DCLK1: variants seen among roughly 807,000 people sequenced by gnomAD.
DCLK1 encodes the protein serine/threonine-protein kinase DCLK1.
DCLK1 carries 16 observed loss-of-function variants against 86.2 expected under a neutral mutation model. The ratio of observed to expected loss-of-function variants is 0.19; its 90% CI spans 0.13 to 0.28. The LOEUF (loss-of-function observed/expected upper bound fraction) is 0.28. DCLK1 is among the 10% of genes least tolerant of loss of function. DCLK1 has a pLI of 1.00. For synonymous variants in DCLK1, 369 were observed against 370.5 expected, an observed-to-expected ratio of 1.00 and a Z score of 0.05; for missense variants, 590 against 940.2, an observed-to-expected ratio of 0.63 and a Z score of 4.87.
intron 4 of DCLK1, among the ~76,000 whole-genome samples, chr13:35,886,552 T>G (rs940813030): frequency 1.3e-5 from 2 of 152,178 alleles, no homozygotes; most frequent in Non-Finnish European, 2.9e-5. Context: ...GAGTGCCACA[T>G]GTGAGATCCA....
intron 2 of DCLK1, among the ~76,000 whole-genome samples, chr13:36,114,127 T>C (rs1885701903): frequency 6.6e-6 from 1 of 152,198 alleles, no homozygotes; most frequent in Admixed American, 6.5e-5. Context: ...TTTAAAAATA[T>C]ATTAAATTAG....
chr13:35,812,170 G>T (rs2087160808), intron 11 of DCLK1, among the ~76,000 whole-genome samples: 1 of 152,294 alleles, frequency 6.6e-6, no homozygotes, highest in South Asian at 2.1e-4. Flanking sequence ...AACAAATGGA[G>T]CTGCTCTAAA....
chr13:36,057,037 G>A (rs184786863), intron 3 of DCLK1, among the ~76,000 whole-genome samples: 28 of 151,802 alleles, frequency 1.8e-4, no homozygotes, highest in Admixed American at 3.9e-4. Flanking sequence ...CTCACCCTTA[G>A]GTAGGCATGC....
At chr13:35,799,376 C>A (rs566153658) in intron 15 of DCLK1, among the ~76,000 whole-genome samples, 1 of 152,260 alleles carries the variant, frequency 6.6e-6, no homozygotes, top group Admixed American at 6.5e-5. Flanking sequence ...CTCAGCCTCC[C>A]AAGTAGCTGG....
At chr13:36,014,646 G>T (rs1279159336) in intron 3 of DCLK1, among the ~76,000 whole-genome samples, 1 of 152,118 alleles carries the variant, frequency 6.6e-6, no homozygotes, top group Non-Finnish European at 1.5e-5. Flanking sequence ...ACAGCAACAG[G>T]TAAGTCAGGT....
At chr13:35,906,003 G>C (rs1874670499) in intron 4 of DCLK1, among the ~76,000 whole-genome samples, 1 of 152,116 alleles carries the variant, frequency 6.6e-6, no homozygotes. Context: ...CTTAAAAATG[G>C]AAACAAACTG....
intron 8 of DCLK1, among the ~76,000 whole-genome samples, chr13:35,834,956 T>C (rs527376619): frequency 6.6e-6 from 1 of 152,146 alleles, no homozygotes; most frequent in Non-Finnish European, 1.5e-5. Context: ...CCGCAAGGGG[T>C]GCCAGGAGCA....
intron 3 of DCLK1, among the ~76,000 whole-genome samples, chr13:35,959,468 G>A (rs1878334491): frequency 6.6e-6 from 1 of 152,150 alleles, no homozygotes; most frequent in Admixed American, 6.5e-5. Flanking sequence ...AAATGGGGCA[G>A]CTCAACACTT....
rs534888561 is a variant in DCLK1 at position 35,781,891 on chromosome 13, C to G, written c.2059-7192G>C. On this transcript the variant is annotated intron_variant, in intron 16 of 16. Coordinates refer to ENST00000360631, the MANE Select transcript of DCLK1 (RefSeq NM_001330071.2). ...TGCTAGTAAAATTAAACTGACAAAT[C>G]GATTGAAATATCCACCCTCCTCATT... Among the ~76,000 whole-genome samples the G allele has an allele frequency of 1.3e-4, 20 of 152,234 alleles. No homozygotes were observed. In the South Asian group the frequency reaches 3.5e-3, roughly 27 times the overall value.
chr13:35,861,248 T>A lies in DCLK1; in HGVS notation c.941-6655A>T, dbSNP rs560105514. ...ATGATTTGGGGTACAAGAAAAAAAA[T>A]TTAATTAAACAATAAAAAAAGACCA... On this transcript the variant is annotated intron_variant, in intron 5 of 16. Coordinates refer to ENST00000360631, the MANE Select transcript of DCLK1 (RefSeq NM_001330071.2). Among the ~76,000 whole-genome samples the A allele has an allele frequency of 9.9e-5, 15 of 151,512 alleles. No individual in the cohort carries two copies. The South Asian group carries it at 2.9e-3, about 29-fold the overall frequency.
chr13:35,828,670 G>A (rs919901615), intron 8 of DCLK1, among the ~76,000 whole-genome samples: 2 of 134,174 alleles, frequency 1.5e-5, no homozygotes, highest in Admixed American at 7.2e-5. Flanking sequence ...TTCCACTCCT[G>A]CTCTCAAAAC....
At chr13:35,898,406 A>G (rs1190023234) in intron 4 of DCLK1, among the ~76,000 whole-genome samples, 1 of 152,238 alleles carries the variant, frequency 6.6e-6, no homozygotes, top group Non-Finnish European at 1.5e-5. Context: ...ATTTAAATGG[A>G]AATGTCTGAA....
intron 3 of DCLK1, among the ~76,000 whole-genome samples, chr13:35,976,529 T>TTTTTTTTTG (rs1879345034): frequency 9.2e-6 from 1 of 108,180 alleles, no homozygotes; most frequent in South Asian, 3.4e-4. Flanking sequence ...TCCGAGGTTT[T>TTTTTTTTTG]TTTTTTTTTT....
chr13:36,119,152 T>A (rs993133042), intron 2 of DCLK1, among the ~76,000 whole-genome samples: 6 of 152,142 alleles, frequency 3.9e-5, no homozygotes, highest in Non-Finnish European at 8.8e-5. Context: ...CAATTATACA[T>A]GTTGAGCTTT....
At chr13:35,917,948 C>T (rs544630443) in intron 4 of DCLK1, among the ~76,000 whole-genome samples, 1 of 152,112 alleles carries the variant, frequency 6.6e-6, no homozygotes, top group Admixed American at 6.5e-5. Context: ...GGCAGAGAGC[C>T]GCCAGCTCAT....
intron 3 of DCLK1, among the ~76,000 whole-genome samples, chr13:36,023,325 A>G (rs533889039): frequency 2.6e-5 from 4 of 152,196 alleles, no homozygotes; most frequent in African/African-American, 9.6e-5. Context: ...GTGCATGTCT[A>G]TTCCAAAGGC....
At chr13:35,805,305 C>CTTT in intron 15 of DCLK1, 1 of 168,154 alleles carries the variant, frequency 5.9e-6, no homozygotes, top group Non-Finnish European at 1.3e-5. Context: ...ACACTTTTTT[C>CTTT]TTTTTTTTTT....
intron 14 of DCLK1, among the ~76,000 whole-genome samples, chr13:35,807,706 T>C (rs955686825): frequency 1.1e-3 from 163 of 152,300 alleles, no homozygotes; most frequent in African/African-American, 3.6e-3. Flanking sequence ...ATATCTATCT[T>C]TTTTTGGGTA....
intron 3 of DCLK1, among the ~76,000 whole-genome samples, chr13:35,979,660 C>T (rs550540569): frequency 2.0e-4 from 30 of 152,308 alleles, no homozygotes; most frequent in Middle Eastern, 3.4e-3. Context: ...TGATTCACTG[C>T]GAACAAATCC....
Sources: gnomAD v4.1 joint callset for allele counts (sites outside exome capture counted in the v4.1 genomes callset) on GRCh38, gnomAD v4.1.1 for gene constraint, MANE v1.5 for transcripts, NCBI Gene and HGNC (gene_info 2026-07-23, HGNC 2026-07-21) for gene names.